Variants in ARGLU1 observed in about 807,000 individuals in gnomAD.
ARGLU1 encodes the protein arginine and glutamate rich 1, also known as arginine and glutamate-rich protein 1.
ARGLU1 carries 9 observed loss-of-function variants against 37.6 expected under a neutral mutation model. The observed-to-expected ratio is 0.24, with a 90% CI of 0.14 to 0.42. ARGLU1 has a LOEUF of 0.42. Among genes scored for constraint, ARGLU1 ranks in the 10% least tolerant of loss-of-function variants. The pLI is 1.00. For missense variants in ARGLU1, 211 were observed against 359.2 expected (o/e 0.59, Z 3.34); for synonymous variants, 166 against 138.5 (o/e 1.20, Z -1.39).
rs1230822003 is a variant in ARGLU1 at position 106,542,245 on chromosome 13, C to G, written c.*1751G>C. ...TAGAACAGTTTTTAAATAAACATTT[C>G]CAAAAACTTGAATACAGAACTTAGG... On this transcript the variant is annotated 3_prime_UTR_variant, in exon 4 of 4. Transcript: ENST00000400198. 6.6e-6 allele frequency: 1 copy of G among 151,402 alleles called. No homozygotes were observed. Among genetic ancestry groups the G allele is most frequent in the Non-Finnish European group, 1.5e-5 (1 of 67,880 alleles). The allele number at this position is 151,402 out of a possible 1,614,324, so 9.4% of individuals were successfully genotyped here. A position where few individuals can be genotyped will look rare whatever the true frequency, so the allele number is the denominator to read the frequency against.
At chr13:106,546,603 T>C (rs1243712867) in intron 3 of ARGLU1, among the ~76,000 whole-genome samples, 1 of 152,194 alleles carries the variant, frequency 6.6e-6, no homozygotes, top group Non-Finnish European at 1.5e-5. Flanking sequence ...CATCACAAAT[T>C]TGGGGTAAGA....
At chr13:106,549,926 A>G (rs1880492911) in intron 3 of ARGLU1, among the ~76,000 whole-genome samples, 1 of 152,212 alleles carries the variant, frequency 6.6e-6, no homozygotes, top group Non-Finnish European at 1.5e-5. Context: ...AAGGAAAATC[A>G]GATGCCTTTG....
intron 1 of ARGLU1, among the ~76,000 whole-genome samples, chr13:106,561,517 C>G (rs1880801533): frequency 6.6e-6 from 1 of 151,082 alleles, no homozygotes; most frequent in Admixed American, 6.6e-5. Flanking sequence ...TAAGAAGAAA[C>G]TTAATATTTA....
At chr13:106,558,887 C>A in intron 2 of ARGLU1, 1 of 985,296 alleles carries the variant, frequency 1.0e-6, no homozygotes, top group Non-Finnish European at 1.2e-6. Context: ...TAGAATTAGT[C>A]CATTGTGCTG....
At chr13:106,558,525 A>C in intron 2 of ARGLU1, 1 of 985,458 alleles carries the variant, frequency 1.0e-6, no homozygotes, top group Non-Finnish European at 1.2e-6. Context: ...TTCATTATGC[A>C]AACTATGGTG....
rs1880281433 is a variant in ARGLU1 at position 106,542,236 on chromosome 13, TA to T, written c.*1759del. ...ACACTTGTATAGAACAGTTTTTAAA[TA>T]AACATTTCCAAAAACTTGAATACAG... On this transcript the variant is annotated 3_prime_UTR_variant, in exon 4 of 4. Transcript: ENST00000400198. 6.6e-6 allele frequency: 1 copy of T among 151,112 alleles called. No homozygotes were observed. The highest frequency in any genetic ancestry group is 1.5e-5 in the Non-Finnish European group (1 of 67,794). 9.4% of individuals were successfully genotyped at this position (151,112 alleles called of 1,614,324 possible).
intron 3 of ARGLU1, among the ~76,000 whole-genome samples, chr13:106,554,356 T>C (rs1566472702): frequency 6.6e-6 from 1 of 152,238 alleles, no homozygotes; most frequent in Admixed American, 6.5e-5. Context: ...TCTTGCTTTA[T>C]ATGGTATCAA....
rs1336795862 is a variant in ARGLU1 at position 106,541,998 on chromosome 13, C to A, written c.*1998G>T. 1 of 152,042 alleles carries A rather than the reference C, an allele frequency of 6.6e-6. No homozygotes were observed. Among genetic ancestry groups the A allele is most frequent in the East Asian group, 1.9e-4 (1 of 5,174 alleles). 9.4% of individuals were successfully genotyped at this position (152,042 alleles called of 1,614,324 possible). ...TTACATCCTCTTTCCCATAGCCTGGCAGAGGAAAGTAGTTACCAAGCACAG... is the reference window on the plus strand; with the variant it reads ...TTACATCCTCTTTCCCATAGCCTGGAAGAGGAAAGTAGTTACCAAGCACAG... On this transcript the variant is annotated 3_prime_UTR_variant, in exon 4 of 4. Coordinates refer to ENST00000400198, the MANE Select transcript of ARGLU1 (RefSeq NM_018011.4).
At position 106,567,923 on chromosome 13, in the gene ARGLU1, TC is replaced by T; in HGVS notation, c.-5del. On this transcript the variant is annotated 5_prime_UTR_variant, in exon 1 of 4. Coordinates refer to ENST00000400198, the MANE Select transcript of ARGLU1 (RefSeq NM_018011.4). This position sits in a 1 kb window ranked among gnomAD's most constrained non-coding sequence, Gnocchi z 4.3. Reference sequence around the variant, plus strand: ...TCCGGCTCCGAGACCGGCCCATCCTTCCGGGAGACGCTCTAACCGCTCGCCT... The same window carrying T: ...TCCGGCTCCGAGACCGGCCCATCCTTCGGGAGACGCTCTAACCGCTCGCCT... The T allele has an allele frequency of 6.2e-7, 1 of 1,604,978 alleles. No homozygotes were observed. Among genetic ancestry groups the T allele is most frequent in the Non-Finnish European group, 8.5e-7 (1 of 1,178,808 alleles).
rs1468488992 is a variant in ARGLU1 at position 106,567,617 on chromosome 13, T to C, written c.303A>G (p.Arg101=). 6 of 1,613,270 alleles carry C rather than the reference T, an allele frequency of 3.7e-6. No homozygotes were observed. The African/African-American group carries it at 4.0e-5, about 11-fold the overall frequency. ...KRSSLDEKQK[R]EEEEKKAEFE... ...ACTCCGCTTTCTTCTCCTCCTCCTCTCGCTTCTGCTTCTCGTCCAGGCTGC... is the reference window on the plus strand; with the variant it reads ...ACTCCGCTTTCTTCTCCTCCTCCTCCCGCTTCTGCTTCTCGTCCAGGCTGC... The change falls in exon 1 of 4, where the codon CGA becomes CGG. Residue 101 remains arginine, a synonymous_variant. Coordinates refer to ENST00000400198, the MANE Select transcript of ARGLU1 (RefSeq NM_018011.4). This position sits in a 1 kb window ranked among gnomAD's most constrained non-coding sequence, Gnocchi z 4.3.
intron 1 of ARGLU1, among the ~76,000 whole-genome samples, chr13:106,561,275 T>C (rs1024005799): frequency 6.6e-6 from 1 of 152,150 alleles, no homozygotes; most frequent in Admixed American, 6.5e-5. Flanking sequence ...CACATTTCCA[T>C]ATAAAATGTT....
chr13:106,559,744 A>G, intron 1 of ARGLU1, 87 bp from the exon 2 acceptor site: 1 of 1,348,198 alleles, frequency 7.4e-7, no homozygotes, highest in Middle Eastern at 1.9e-4. Context: ...CTATCAAGCC[A>G]TTGAGCCTGA....
In ARGLU1 at chr13:106,542,159, T is replaced by C. The variant is rs1300873189; in HGVS notation, c.*1837A>G. On this transcript the variant is annotated 3_prime_UTR_variant, in exon 4 of 4. Coordinates refer to ENST00000400198, the MANE Select transcript of ARGLU1 (RefSeq NM_018011.4). ...AAAAAATTAAAAGGCACGCATAAGC[T>C]GATTTCAAATATTTTAAGTCCAGGC... The C allele has an allele frequency of 6.6e-6, 1 of 152,150 alleles. No homozygotes were observed. Among genetic ancestry groups the C allele is most frequent in the Non-Finnish European group, 1.5e-5 (1 of 68,018 alleles). 9.4% of individuals were successfully genotyped at this position (152,150 alleles called of 1,614,324 possible). A position where few individuals can be genotyped will look rare whatever the true frequency, so the allele number is the denominator to read the frequency against.
intron 3 of ARGLU1, among the ~76,000 whole-genome samples, chr13:106,549,337 T>G (rs1429031165): frequency 6.6e-6 from 1 of 152,240 alleles, no homozygotes; most frequent in Non-Finnish European, 1.5e-5. Flanking sequence ...ATTTTAAACC[T>G]TCCAAGATAA....
At chr13:106,555,130 G>A (rs1284780995) in intron 3 of ARGLU1, among the ~76,000 whole-genome samples, 1 of 152,004 alleles carries the variant, frequency 6.6e-6, no homozygotes, top group African/African-American at 2.4e-5. Flanking sequence ...AGCCAAGGCG[G>A]GTGGATCACC....
Position 106,557,202 on chromosome 13 carries a change from C to CAG in ARGLU1, c.574-72_574-71insCT. On this transcript the variant is annotated intron_variant, in intron 2 of 3. Coordinates refer to ENST00000400198, the MANE Select transcript of ARGLU1 (RefSeq NM_018011.4). The surrounding 1 kb of genome is among the most constrained non-coding windows in gnomAD (Gnocchi z 5.0). ...TTTTTATTGATAAATATTTACTAAT[C>CAG]TTCCTCTGAACTTTTTTGATATGAC... 2.2e-6 allele frequency: 3 copies of CAG among 1,349,860 alleles called. No individual in the cohort carries two copies. The highest frequency in any genetic ancestry group is 3.1e-6 in the Non-Finnish European group (3 of 957,504). 83.6% of individuals were successfully genotyped at this position (1,349,860 alleles called of 1,614,324 possible). A position where few individuals can be genotyped will look rare whatever the true frequency, so the allele number is the denominator to read the frequency against.
At chr13:106,559,686 A>T (rs1350420940) in intron 1 of ARGLU1, 29 bp from the exon 2 acceptor site, 1 of 1,586,008 alleles carries the variant, frequency 6.3e-7, no homozygotes, top group East Asian at 2.2e-5. Context: ...AAAACAAGTT[A>T]GGTATTTACT....
At position 106,557,445 on chromosome 13, in the gene ARGLU1, TAA is replaced by T. The variant is rs1594192466; in HGVS notation, c.574-316_574-315del. ...CAAAACTGGATAGTATTTACCAAAT[TAA>T]AAAAATAATATATAAAATATAAATA... On this transcript the variant is annotated intron_variant, in intron 2 of 3. Transcript: ENST00000400198. This position sits in a 1 kb window ranked among gnomAD's most constrained non-coding sequence, Gnocchi z 5.0. 1 of 835,094 alleles carries T rather than the reference TAA, an allele frequency of 1.2e-6. No individual in the cohort carries two copies. The highest frequency in any genetic ancestry group is 1.6e-6 in the Non-Finnish European group (1 of 609,720). The allele number at this position is 835,094 out of a possible 1,614,324, so 51.7% of individuals were successfully genotyped here.
At chr13:106,555,914 T>C (rs1350630705) in intron 3 of ARGLU1, among the ~76,000 whole-genome samples, 1 of 152,164 alleles carries the variant, frequency 6.6e-6, no homozygotes, top group Non-Finnish European at 1.5e-5. Flanking sequence ...GCTTCAGTGA[T>C]TTAACTGTCA....
Sources: gnomAD v4.1 joint callset for allele counts (sites outside exome capture counted in the v4.1 genomes callset) on GRCh38, gnomAD v4.1.1 for gene constraint, Gnocchi (gnomAD v3.1) non-coding constraint, MANE v1.5 for transcripts, NCBI Gene and HGNC (gene_info 2026-07-23, HGNC 2026-07-21) for gene names.